SCOC: variants seen among roughly 807,000 people sequenced by gnomAD.
SCOC encodes the protein short coiled coil protein.
A neutral mutation model predicts 9.9 loss-of-function variants in SCOC; 7 were observed. That is an observed-to-expected ratio of 0.71 (90% CI 0.40 to 1.33). The LOEUF is 1.33. Ranked by LOEUF, SCOC falls within the 40% of genes most tolerant of loss-of-function variation. The pLI is 0.01. For missense variants in SCOC, 66 were observed against 89.7 expected (o/e 0.74, Z 1.07); for synonymous variants, 19 against 28.2 (o/e 0.67, Z 1.03).
At chr4:140,285,417 T>C in intron 1 of SCOC, 1 of 390,774 alleles carries the variant, frequency 2.6e-6, no homozygotes, top group Non-Finnish European at 5.1e-6. Context: ...ATGTGGGGTG[T>C]GGTTTACTGC....
chr4:140,313,329 C>T (rs1256514196), intron 1 of SCOC, among the ~76,000 whole-genome samples: 4 of 152,176 alleles, frequency 2.6e-5, no homozygotes, highest in Non-Finnish European at 5.9e-5. Flanking sequence ...ACTGCAACCT[C>T]TGCTTCCCGG....
chr4:140,315,112 G>C (rs1578800984), intron 1 of SCOC, among the ~76,000 whole-genome samples: 1 of 152,112 alleles, frequency 6.6e-6, no homozygotes, highest in African/African-American at 2.4e-5. Flanking sequence ...CAAGTTCCCT[G>C]TAAAGAACTC....
At chr4:140,333,230 C>G (rs553197615) in intron 1 of SCOC, among the ~76,000 whole-genome samples, 42 of 152,126 alleles carry the variant, frequency 2.8e-4, no homozygotes, top group African/African-American at 1.0e-3. Flanking sequence ...TTCCTGACAC[C>G]GTATATAAAA....
chr4:140,373,178 C>T, upstream of SCOC: 5 of 669,180 alleles, frequency 7.5e-6, no homozygotes, highest in South Asian at 8.1e-5. Flanking sequence ...AATTAAGGAA[C>T]GACGGTGTCG....
intron 1 of SCOC, among the ~76,000 whole-genome samples, chr4:140,258,808 C>T (rs953354516): frequency 7.2e-5 from 11 of 152,262 alleles, no homozygotes; most frequent in Admixed American, 5.9e-4. Flanking sequence ...GAAATGATGG[C>T]GTATCATATG....
At chr4:140,333,519 C>T (rs1732877303) in intron 1 of SCOC, among the ~76,000 whole-genome samples, 4 of 152,058 alleles carry the variant, frequency 2.6e-5, no homozygotes, top group Admixed American at 2.6e-4. Flanking sequence ...ATCTCAGTGC[C>T]TGGAACAATG....
intron 1 of SCOC, among the ~76,000 whole-genome samples, chr4:140,300,164 T>C (rs925009798): frequency 2.6e-5 from 4 of 152,148 alleles, no homozygotes; most frequent in African/African-American, 9.7e-5. Context: ...CCCGCTTTAT[T>C]TGTGAGCAAA....
At position 140,337,594 on chromosome 4, in the gene SCOC, C is replaced by T. The variant is rs571130210; in HGVS notation, c.-18-6027C>T. On this transcript the variant is annotated intron_variant, in intron 1 of 4. Coordinates refer to the SCOC transcript ENST00000394205. ...AATGTAGAGACAAGAATCAAATAGA[C>T]GCAATAAAAAATGATAAAGGGGATA... Among the ~76,000 whole-genome samples, 28 of 151,914 alleles carry T rather than the reference C, an allele frequency of 1.8e-4. No individual in the cohort carries two copies. In the East Asian group the frequency reaches 2.9e-3, roughly 16 times the overall value.
chr4:140,336,510 A>C (rs1160229081), intron 1 of SCOC, among the ~76,000 whole-genome samples: 1 of 152,136 alleles, frequency 6.6e-6, no homozygotes, highest in Admixed American at 6.6e-5. Context: ...TCCTTTATTT[A>C]GCATACTGTT....
At position 140,306,596 on chromosome 4, in the gene SCOC, G is replaced by C. The variant is rs566068878; in HGVS notation, c.-18-37025G>C. The stretch of plus-strand genomic sequence containing the variant: ...TGCCTGGACCACCCAGACAACACTG[G>C]AGGCCTGGTGTGACCACAGGGGAAA... On this transcript the variant is annotated intron_variant, in intron 1 of 4. Transcript: ENST00000394205. Among the ~76,000 whole-genome samples, 3 of 152,210 alleles carry C rather than the reference G, an allele frequency of 2.0e-5. No homozygotes were observed. In the South Asian group the frequency reaches 6.3e-4, roughly 32 times the overall value.
chr4:140,344,891 T>G (rs1775690742), intron 2 of SCOC, among the ~76,000 whole-genome samples: 1 of 152,190 alleles, frequency 6.6e-6, no homozygotes, highest in African/African-American at 2.4e-5. Context: ...GCTTAGAATG[T>G]GACTCAGCCC....
intron 1 of SCOC, among the ~76,000 whole-genome samples, chr4:140,375,721 A>C (rs1728316289): frequency 6.6e-6 from 1 of 152,124 alleles, no homozygotes; most frequent in Admixed American, 6.6e-5. Context: ...TGCCTCCTGG[A>C]CTTAAATAAT....
intron 2 of SCOC, among the ~76,000 whole-genome samples, chr4:140,343,946 A>AAT (rs1218856482): frequency 3.2e-5 from 3 of 94,718 alleles, no homozygotes; most frequent in Non-Finnish European, 6.0e-5. Flanking sequence ...AATAAATAAA[A>AAT]ACAAAATATT....
chr4:140,362,291 T>TTCC (rs1553941092), intron 2 of SCOC, among the ~76,000 whole-genome samples: 50 of 20,908 alleles, frequency 2.4e-3, no homozygotes, highest in African/African-American at 4.4e-3. Context: ...CTTCTTCTTC[T>TTCC]TCTTCTTCTT....
At chr4:140,303,183 C>G (rs1731863627) in intron 1 of SCOC, among the ~76,000 whole-genome samples, 2 of 152,168 alleles carry the variant, frequency 1.3e-5, no homozygotes, top group South Asian at 4.1e-4. Context: ...GAGCCTTTAT[C>G]TTGATAGTTA....
At chr4:140,372,147 A>G (rs944917096), upstream of SCOC, among the ~76,000 whole-genome samples, 7 of 152,212 alleles carry the variant, frequency 4.6e-5, no homozygotes, top group Non-Finnish European at 1.0e-4. Context: ...ATAGGTATAC[A>G]GTTTTAGTTT....
chr4:140,327,696 T>C (rs1732689888), intron 1 of SCOC, among the ~76,000 whole-genome samples: 1 of 152,214 alleles, frequency 6.6e-6, no homozygotes, highest in Non-Finnish European at 1.5e-5. Context: ...GAGAAATCCA[T>C]GCTATAACAA....
chr4:140,344,785 A>G (rs1726654493), intron 2 of SCOC, among the ~76,000 whole-genome samples: 1 of 152,220 alleles, frequency 6.6e-6, no homozygotes, highest in Non-Finnish European at 1.5e-5. Context: ...AAGACAGGGG[A>G]AACCCATGTT....
At chr4:140,345,471 T>C (rs1726696329) in intron 2 of SCOC, among the ~76,000 whole-genome samples, 1 of 152,236 alleles carries the variant, frequency 6.6e-6, no homozygotes, top group African/African-American at 2.4e-5. Context: ...TTTCTTTGGC[T>C]TTTGGAGACA....
Sources: gnomAD v4.1 joint callset for allele counts (sites outside exome capture counted in the v4.1 genomes callset) on GRCh38, gnomAD v4.1.1 for gene constraint, MANE v1.5 for transcripts, NCBI Gene and HGNC (gene_info 2026-07-23, HGNC 2026-07-21) for gene names.